ENTREP2: variants seen among roughly 807,000 people sequenced by gnomAD.
ENTREP2 encodes endosomal transmembrane epsin interactor 2.
chr15:29,448,635 C>CAT, the ENTREP2 span, among the ~76,000 whole-genome samples: 1 of 152,120 alleles, frequency 6.6e-6, no homozygotes, highest in Non-Finnish European at 1.5e-5. Context: ...AAGAACAAAT[C>CAT]GAGACGAACC....
At chr15:29,585,506 G>C in the ENTREP2 span, among the ~76,000 whole-genome samples, 6 of 152,212 alleles carry the variant, frequency 3.9e-5, no homozygotes, top group African/African-American at 1.2e-4. Context: ...ACGAGAGAAA[G>C]TGTGGGTGAG....
the ENTREP2 span, among the ~76,000 whole-genome samples, chr15:29,215,113 G>A: frequency 6.6e-6 from 1 of 152,076 alleles, no homozygotes; most frequent in African/African-American, 2.4e-5. Context: ...TATGAATTTT[G>A]GAGCTCCAGT....
chr15:29,262,684 G>A, the ENTREP2 span, among the ~76,000 whole-genome samples: 1 of 152,208 alleles, frequency 6.6e-6, no homozygotes, highest in East Asian at 1.9e-4. Context: ...GTAAACGTAA[G>A]TGTTTCCCTG....
At chr15:29,426,756 T>A in the ENTREP2 span, among the ~76,000 whole-genome samples, 1 of 152,232 alleles carries the variant, frequency 6.6e-6, no homozygotes, top group Non-Finnish European at 1.5e-5. Context: ...TTTATTCCAT[T>A]TCTCTGTTTC....
the ENTREP2 span, among the ~76,000 whole-genome samples, chr15:29,472,636 T>C: frequency 6.6e-6 from 1 of 152,184 alleles, no homozygotes; most frequent in Non-Finnish European, 1.5e-5. Context: ...AGCTAATTTT[T>C]GTATGTTTAG....
At chr15:29,248,419 C>T in the ENTREP2 span, among the ~76,000 whole-genome samples, 6 of 151,948 alleles carry the variant, frequency 3.9e-5, no homozygotes, top group East Asian at 1.9e-4. Context: ...AAATAACAAT[C>T]CAGGGAATAT....
the ENTREP2 span, among the ~76,000 whole-genome samples, chr15:29,134,726 G>A: frequency 7.2e-5 from 11 of 152,180 alleles, no homozygotes; most frequent in African/African-American, 2.4e-4. Context: ...CATGGAAACT[G>A]CTCCTCCACC....
the ENTREP2 span, among the ~76,000 whole-genome samples, chr15:29,597,891 G>A: frequency 6.6e-6 from 1 of 152,144 alleles, no homozygotes; most frequent in Non-Finnish European, 1.5e-5. Flanking sequence ...GGAGGCCGAG[G>A]AGTGTGGATT....
the ENTREP2 span, among the ~76,000 whole-genome samples, chr15:29,125,051 C>G: frequency 6.6e-6 from 1 of 152,210 alleles, no homozygotes; most frequent in Non-Finnish European, 1.5e-5. Context: ...CTGAAGGGCT[C>G]CAGGCACCCT....
chr15:29,271,780 G>C, the ENTREP2 span, among the ~76,000 whole-genome samples: 11,521 of 152,132 alleles, frequency 0.076, 1,438 homozygotes, highest in African/African-American at 0.26. Context: ...TAAGGCAGTA[G>C]CTTGCCGATG....
the ENTREP2 span, among the ~76,000 whole-genome samples, chr15:29,309,834 C>T: frequency 1.3e-5 from 2 of 150,646 alleles, no homozygotes; most frequent in Admixed American, 6.6e-5. Flanking sequence ...TCCCATAGGA[C>T]GACTGTGAGA....
chr15:29,252,277 C>A, the ENTREP2 span: 9 of 729,604 alleles, frequency 1.2e-5, no homozygotes, highest in Non-Finnish European at 2.0e-5. Context: ...ACATGAGAAC[C>A]TAAGAATACA....
the ENTREP2 span, chr15:29,234,496 GC>G: frequency 4.2e-6 from 6 of 1,435,288 alleles, no homozygotes; most frequent in Middle Eastern, 1.7e-4. Context: ...TTTGTACTGA[GC>G]TATAAGAACA....
At chr15:29,650,608 C>CTGA in the ENTREP2 span, among the ~76,000 whole-genome samples, 2,234 of 143,936 alleles carry the variant, frequency 0.016, 57 homozygotes, top group African/African-American at 0.054. Flanking sequence ...AAACAAAAAA[C>CTGA]AAAAAAAAAA....
At chr15:29,223,079 A>T in the ENTREP2 span, among the ~76,000 whole-genome samples, 2 of 152,206 alleles carry the variant, frequency 1.3e-5, no homozygotes, top group Non-Finnish European at 2.9e-5. Flanking sequence ...ACAAGAACAA[A>T]TCAAACAAAG....
At chr15:29,195,950 A>C in the ENTREP2 span, among the ~76,000 whole-genome samples, 1 of 152,252 alleles carries the variant, frequency 6.6e-6, no homozygotes, top group Non-Finnish European at 1.5e-5. Context: ...ACTCGGAAGA[A>C]AAAATAAAAT....
chr15:29,269,786 C>T, the ENTREP2 span: 44 of 1,324,576 alleles, frequency 3.3e-5, no homozygotes, highest in Non-Finnish European at 4.2e-5. Context: ...CCCGCTAACG[C>T]CGGTGCCTGG....
At chr15:29,179,336 T>TC in the ENTREP2 span, among the ~76,000 whole-genome samples, 1 of 152,238 alleles carries the variant, frequency 6.6e-6, no homozygotes. Flanking sequence ...TTCCTTTTTT[T>TC]CTGCAAGAGA....
the ENTREP2 span, among the ~76,000 whole-genome samples, chr15:29,415,416 A>C: frequency 3.3e-5 from 5 of 152,250 alleles, no homozygotes; most frequent in African/African-American, 1.2e-4. Context: ...TTATCTCAAT[A>C]GATGCAGAAA....
Sources: allele counts gnomAD v4.1 joint callset (sites outside exome capture counted in the v4.1 genomes callset), GRCh38; gene constraint gnomAD v4.1.1; transcripts MANE v1.5; gene names NCBI Gene and HGNC (gene_info 2026-07-23, HGNC 2026-07-21).